Variants in PKD2 observed in about 807,000 individuals in gnomAD.
PKD2 encodes the protein polycystin 2, transient receptor potential cation channel, also known as polycystin-2.
A neutral mutation model predicts 105.9 loss-of-function variants in PKD2; 48 were observed. That is an observed-to-expected ratio of 0.45 (90% CI 0.36 to 0.58). The LOEUF (loss-of-function observed/expected upper bound fraction) is 0.58. Ranked by LOEUF, PKD2 falls within the 20% of genes least tolerant of loss-of-function variation. The pLI, the probability that PKD2 is intolerant of heterozygous loss-of-function variation, is 0.00. For missense variants in PKD2, 1,078 were observed against 1,255.3 expected (o/e 0.86, Z 2.13); for synonymous variants, 464 against 481.1 (o/e 0.96, Z 0.46).
chr4:88,019,661 A>T, intron 2 of PKD2, 90 bp downstream of exon 2: 1 of 763,012 alleles, frequency 1.3e-6, no homozygotes, highest in Non-Finnish European at 2.4e-6. Flanking sequence ...TGTATGCACC[A>T]GAGGGGCAAC....
intron 7 of PKD2, 127 bp downstream of exon 7, chr4:88,052,285 T>A: frequency 1.5e-6 from 1 of 680,328 alleles, no homozygotes; most frequent in Non-Finnish European, 2.6e-6. Context: ...AATATTTACT[T>A]TGAGACAGGG....
chr4:88,060,685 A>T (rs74668466), intron 9 of PKD2, among the ~76,000 whole-genome samples: 11 of 152,086 alleles, frequency 7.2e-5, no homozygotes, highest in African/African-American at 2.4e-4. Flanking sequence ...GTGGGGGGGA[A>T]CCTGATCTCC....
At chr4:88,069,128 C>T (rs1486600892) in intron 13 of PKD2, among the ~76,000 whole-genome samples, 1 of 152,068 alleles carries the variant, frequency 6.6e-6, no homozygotes, top group East Asian at 1.9e-4. Context: ...CTTTTGGTTG[C>T]TGTTTGCATG....
rs200707583 is a variant in PKD2, at chr4:88,065,394, C to T, written c.2139C>T (p.Val713=). 486 of 1,612,012 alleles carry T rather than the reference C, an allele frequency of 3.0e-4. 8 individuals are homozygous for T. The South Asian group carries it at 4.7e-3, about 16-fold the overall frequency. The change falls in exon 11 of 15, where the codon GTC becomes GTT. Residue 713 remains valine (V), a synonymous_variant. Coordinates refer to ENST00000237596, the MANE Select transcript of PKD2 (RefSeq NM_000297.4). ...GATAGGGCTACCATAAAGCTTTGGT[C>T]AAACTAAAACTGAAAAAAAATACCG... The part of the protein sequence containing the change: ...LIRKGYHKAL[V]KLKLKKNTVD...
At chr4:88,030,119 A>G (rs1727092812) in intron 2 of PKD2, among the ~76,000 whole-genome samples, 1 of 152,172 alleles carries the variant, frequency 6.6e-6, no homozygotes, top group Non-Finnish European at 1.5e-5. Flanking sequence ...CTGTTTCTGG[A>G]ACCAGATTAA....
intron 3 of PKD2, chr4:88,036,615 A>G (rs745964013): frequency 1.5e-4 from 24 of 158,902 alleles, no homozygotes; most frequent in Non-Finnish European, 3.1e-4. Context: ...TCTATAAGGT[A>G]AGTACTAAGA....
At chr4:88,066,176 A>G (rs1030774410) in intron 12 of PKD2, among the ~76,000 whole-genome samples, 1 of 152,164 alleles carries the variant, frequency 6.6e-6, no homozygotes, top group African/African-American at 2.4e-5. Flanking sequence ...ATAAAAACAC[A>G]TATGCTTATT....
chr4:88,049,923 T>C lies in PKD2; in HGVS notation c.1549-2068T>C, dbSNP rs186213298. On this transcript the variant is annotated intron_variant, in intron 6 of 14. Transcript: ENST00000237596. ...AAAAAAAGAAGACTATTAAGGAATT[T>C]AAACTCAAATAATTTATTGACCACT... Among the ~76,000 whole-genome samples the C allele has an allele frequency of 3.4e-4, 52 of 152,076 alleles. No individual in the cohort carries two copies. In the East Asian group the frequency reaches 8.9e-3, roughly 26 times the overall value.
At chr4:88,053,896 A>C (rs1173625414) in intron 7 of PKD2, among the ~76,000 whole-genome samples, 4 of 152,154 alleles carry the variant, frequency 2.6e-5, no homozygotes, top group Admixed American at 6.5e-5. Flanking sequence ...AACACTTAAC[A>C]TGTGGCTAGT....
At position 88,052,113 on chromosome 4, in the gene PKD2, G is replaced by A. The variant is rs1720127763; in HGVS notation, c.1671G>A (p.Gln557=). 1 of 1,607,514 alleles carries A rather than the reference G, an allele frequency of 6.2e-7. No homozygotes were observed. ...AGCATCTGGCATATTGGCAGATACAGTTCAACAATATAGCTGCTGTCACAG... is the reference window on the plus strand; with the variant it reads ...AGCATCTGGCATATTGGCAGATACAATTCAACAATATAGCTGCTGTCACAG... ...NFEHLAYWQI[Q]FNNIAAVTVF... The change falls in exon 7 of 15, where the codon CAG becomes CAA. Residue 557 remains glutamine (Q), a synonymous_variant. Transcript: ENST00000237596.
intron 7 of PKD2, among the ~76,000 whole-genome samples, chr4:88,053,656 CA>C (rs10717181): frequency 0.32 from 38,019 of 117,656 alleles, 6,566 homozygotes; most frequent in African/African-American, 0.54. Flanking sequence ...GACCCTGTCT[CA>C]AAAAAAAAAA....
chr4:88,038,111 C>A, intron 3 of PKD2, 140 bp from the exon 4 acceptor site: 1 of 929,164 alleles, frequency 1.1e-6, no homozygotes, highest in Non-Finnish European at 1.7e-6. Flanking sequence ...TATCCCAAAT[C>A]TCTCTGACAA....
chr4:88,038,155 A>T, intron 3 of PKD2, 96 bp from the exon 4 acceptor site: 1 of 1,235,064 alleles, frequency 8.1e-7, no homozygotes, highest in Non-Finnish European at 1.2e-6. Context: ...CTATTTTCAT[A>T]GAGTTGCCAA....
intron 10 of PKD2, among the ~76,000 whole-genome samples, chr4:88,062,815 T>C (rs1287734062): frequency 6.6e-6 from 1 of 152,162 alleles, no homozygotes; most frequent in African/African-American, 2.4e-5. Context: ...TAAAACAAAG[T>C]CCTTGGGATG....
At chr4:88,068,800 T>C (rs1720891263) in intron 13 of PKD2, among the ~76,000 whole-genome samples, 1 of 152,226 alleles carries the variant, frequency 6.6e-6, no homozygotes, top group South Asian at 2.1e-4. Flanking sequence ...CTGGTTGATC[T>C]TAGATGTGCC....
intron 6 of PKD2, among the ~76,000 whole-genome samples, chr4:88,047,520 C>T (rs1207436349): frequency 6.6e-6 from 1 of 152,042 alleles, no homozygotes; most frequent in Non-Finnish European, 1.5e-5. Flanking sequence ...ATAAATGCAC[C>T]ACTGCACTGC....
intron 3 of PKD2, among the ~76,000 whole-genome samples, chr4:88,037,697 G>A (rs949005401): frequency 2.0e-5 from 3 of 152,168 alleles, no homozygotes; most frequent in East Asian, 3.9e-4. Flanking sequence ...TACAGGCATA[G>A]CTAGTTGTAC....
rs908145971 is a variant in PKD2, at chr4:88,058,317, A to G, written c.2019+214A>G. On this transcript the variant is annotated intron_variant, in intron 9 of 14. Coordinates refer to ENST00000237596, the MANE Select transcript of PKD2 (RefSeq NM_000297.4). The stretch of plus-strand genomic sequence containing the variant: ...TCTGTGGTCTTTCATTGATCCATGT[A>G]TATGTGTCTATTCAATGCAAAAAAA... Among the ~76,000 whole-genome samples, 6 of 152,118 alleles carry G rather than the reference A, an allele frequency of 3.9e-5. No homozygotes were observed. The South Asian group carries it at 6.2e-4, about 16-fold the overall frequency.
chr4:88,026,765 G>A (rs780331386), intron 2 of PKD2, among the ~76,000 whole-genome samples: 8 of 152,214 alleles, frequency 5.3e-5, no homozygotes, highest in Non-Finnish European at 8.8e-5. Flanking sequence ...CCCAGGCCCA[G>A]GCCCCAGCTG....
Sources: gnomAD v4.1 joint callset for allele counts (sites outside exome capture counted in the v4.1 genomes callset) on GRCh38, gnomAD v4.1.1 for gene constraint, MANE v1.5 for transcripts, NCBI Gene and HGNC (gene_info 2026-07-23, HGNC 2026-07-21) for gene names.